The following SUGCT variants were observed in gnomAD, a reference collection of about 807,000 sequenced individuals.
SUGCT encodes the protein succinyl-CoA:glutarate CoA-transferase.
In SUGCT, 41 loss-of-function variants were observed where a neutral mutation model predicts 55.0. The observed-to-expected ratio is 0.74, with a 90% CI of 0.58 to 0.97. SUGCT has a LOEUF of 0.97. Among genes scored for constraint, SUGCT ranks in the 50% least tolerant of loss-of-function variants. The pLI is 0.00. For synonymous variants in SUGCT, 187 were observed against 200.4 expected (o/e 0.93, Z 0.56); for missense variants, 568 against 547.8 (o/e 1.04, Z -0.37).
the SUGCT span, among the ~76,000 whole-genome samples, chr7:40,954,304 C>T: frequency 6.6e-6 from 1 of 152,184 alleles, no homozygotes; most frequent in Non-Finnish European, 1.5e-5. Flanking sequence ...ATTGGAAAAG[C>T]ACCATATTAG....
At chr7:40,296,074 C>T (rs1410115858) in intron 8 of SUGCT, among the ~76,000 whole-genome samples, 1 of 152,068 alleles carries the variant, frequency 6.6e-6, no homozygotes, top group Non-Finnish European at 1.5e-5. Flanking sequence ...CCTTGTTGGG[C>T]GACTGAGATG....
intron 1 of SUGCT, among the ~76,000 whole-genome samples, chr7:40,159,589 TC>T (rs1362984223): frequency 1.3e-5 from 2 of 151,878 alleles, no homozygotes; most frequent in African/African-American, 4.8e-5. Context: ...CAGGATGGTC[TC>T]GATCTCCTGA....
intron 13 of SUGCT, among the ~76,000 whole-genome samples, chr7:40,832,168 G>A (rs532152962): frequency 2.0e-5 from 3 of 152,260 alleles, no homozygotes; most frequent in Middle Eastern, 3.4e-3. Flanking sequence ...TGAGATAGGT[G>A]GTGACACAGA....
chr7:40,403,649 A>G (rs114365997), intron 9 of SUGCT, among the ~76,000 whole-genome samples: 95 of 152,330 alleles, frequency 6.2e-4, no homozygotes, highest in African/African-American at 2.2e-3. Context: ...ACTTGAACAC[A>G]GGACAGAGTA....
At chr7:40,218,830 C>T (rs534338453) in intron 6 of SUGCT, among the ~76,000 whole-genome samples, 1 of 152,124 alleles carries the variant, frequency 6.6e-6, no homozygotes, top group South Asian at 2.1e-4. Flanking sequence ...TCAGCACTGT[C>T]TAAAATGGAC....
At chr7:40,669,283 T>C (rs1277738039) in intron 12 of SUGCT, among the ~76,000 whole-genome samples, 1 of 130,902 alleles carries the variant, frequency 7.6e-6, no homozygotes, top group Non-Finnish European at 1.6e-5. Context: ...TGAAGCCAGC[T>C]AAAACAGAAG....
intron 12 of SUGCT, among the ~76,000 whole-genome samples, chr7:40,543,639 C>T (rs1794823866): frequency 6.6e-6 from 1 of 152,296 alleles, no homozygotes; most frequent in South Asian, 2.1e-4. Flanking sequence ...ACTTTTGATT[C>T]TAACTGTTAA....
chr7:40,216,051 A>G (rs1053336663), intron 6 of SUGCT, among the ~76,000 whole-genome samples: 4 of 152,054 alleles, frequency 2.6e-5, no homozygotes, highest in Non-Finnish European at 4.4e-5. Context: ...CCTTATATAG[A>G]ACAGAAATTA....
chr7:40,516,852 A>G (rs930490712), intron 12 of SUGCT, among the ~76,000 whole-genome samples: 3 of 151,874 alleles, frequency 2.0e-5, no homozygotes, highest in Non-Finnish European at 4.4e-5. Context: ...AACCTTGGCA[A>G]TTTCTTGTAA....
rs1419426004 is a variant in SUGCT at position 40,855,385 on chromosome 7, T to G, written c.1154-4931T>G. Among the ~76,000 whole-genome samples the G allele has an allele frequency of 2.0e-5, 3 of 152,150 alleles. No individual in the cohort carries two copies. The East Asian group carries it at 5.8e-4, about 29-fold the overall frequency. On this transcript the variant is annotated intron_variant, in intron 13 of 13. Coordinates refer to ENST00000335693, the MANE Select transcript of SUGCT (RefSeq NM_001193313.2). ...AGAACTCTTAGCTTCTTTCTCACAT[T>G]TTTTAGACAAGCTATATTTTTGTCC...
At chr7:40,195,181 C>A in intron 6 of SUGCT, 121 bp downstream of exon 6, 1 of 1,139,002 alleles carries the variant, frequency 8.8e-7, no homozygotes, top group Non-Finnish European at 1.2e-6. Flanking sequence ...TTTCCTTTTT[C>A]CAAGGCCGTT....
At chr7:40,484,624 C>T (rs1791232824) in intron 11 of SUGCT, among the ~76,000 whole-genome samples, 2 of 152,174 alleles carry the variant, frequency 1.3e-5, no homozygotes, top group African/African-American at 4.8e-5. Flanking sequence ...AGACATTGCC[C>T]TATCTACTTC....
At chr7:40,253,552 T>A (rs1790585759) in intron 7 of SUGCT, among the ~76,000 whole-genome samples, 1 of 151,160 alleles carries the variant, frequency 6.6e-6, no homozygotes, top group Non-Finnish European at 1.5e-5. Flanking sequence ...TTTGATCGAA[T>A]GTGTAAATAT....
chr7:40,396,270 G>T (rs1218068972), intron 9 of SUGCT, among the ~76,000 whole-genome samples: 5 of 152,078 alleles, frequency 3.3e-5, no homozygotes, highest in African/African-American at 1.2e-4. Context: ...TTGAACCTTA[G>T]TTTTATCATC....
chr7:40,248,081 G>A (rs1403845643), intron 7 of SUGCT, among the ~76,000 whole-genome samples: 4 of 149,774 alleles, frequency 2.7e-5, no homozygotes, highest in East Asian at 2.0e-4. Flanking sequence ...GCGTGATCTC[G>A]GCTCACTGTA....
chr7:40,558,690 G>A (rs1338383316), intron 12 of SUGCT, among the ~76,000 whole-genome samples: 2 of 152,262 alleles, frequency 1.3e-5, no homozygotes, highest in East Asian at 3.9e-4. Flanking sequence ...AGGACGTAGT[G>A]GTGATAACTG....
chr7:40,204,547 C>CCGCCT (rs1786840305), intron 6 of SUGCT, among the ~76,000 whole-genome samples: 1 of 151,982 alleles, frequency 6.6e-6, no homozygotes, highest in Non-Finnish European at 1.5e-5. Context: ...CGTGATCTGC[C>CCGCCT]CGCCTCGGCC....
chr7:40,141,986 ATTCC>A (rs1788010519), intron 1 of SUGCT: 8 of 174,276 alleles, frequency 4.6e-5, no homozygotes, highest in Middle Eastern at 4.8e-3. Flanking sequence ...GGCTAAACTA[ATTCC>A]AATTGGCTAA....
At chr7:40,696,089 G>A (rs1469557245) in intron 12 of SUGCT, among the ~76,000 whole-genome samples, 2 of 152,148 alleles carry the variant, frequency 1.3e-5, no homozygotes, top group African/African-American at 4.8e-5. Flanking sequence ...TATGTCTAGT[G>A]GACATCTGCC....
Sources: allele counts gnomAD v4.1 joint callset (sites outside exome capture counted in the v4.1 genomes callset), GRCh38; gene constraint gnomAD v4.1.1; transcripts MANE v1.5; gene names NCBI Gene and HGNC (gene_info 2026-07-23, HGNC 2026-07-21).